The following ABCC9 variants were observed in gnomAD, a reference collection of about 807,000 sequenced individuals.
ABCC9 encodes the protein ATP binding cassette subfamily C member 9.
Under a neutral mutation model 188.3 loss-of-function variants are expected in ABCC9, and 95 were observed. The observed-to-expected ratio is 0.50, with a 90% CI of 0.43 to 0.60. ABCC9 has a LOEUF of 0.60. ABCC9 is among the 20% of genes least tolerant of loss of function. The probability of loss-of-function intolerance (pLI) is 0.00; values close to 1 mark genes in which losing one functional copy is unlikely to be tolerated. For synonymous variants in ABCC9, 659 were observed against 652.7 expected (o/e 1.01, Z -0.15); for missense variants, 1,102 against 1,876.3 (o/e 0.59, Z 7.62).
intron 14 of ABCC9, among the ~76,000 whole-genome samples, chr12:21,890,566 A>G (rs1478884762): frequency 1.3e-5 from 2 of 152,160 alleles, no homozygotes; most frequent in Non-Finnish European, 2.9e-5. Context: ...AATCTTTACC[A>G]ACCTAAATGT....
intron 36 of ABCC9, among the ~76,000 whole-genome samples, chr12:21,811,609 G>C (rs1042353681): frequency 2.6e-5 from 4 of 151,790 alleles, no homozygotes; most frequent in African/African-American, 9.7e-5. Context: ...GGGAAACCCT[G>C]AACCAGGTAT....
At chr12:21,829,330 T>C (rs1235427939) in intron 30 of ABCC9, among the ~76,000 whole-genome samples, 1 of 150,086 alleles carries the variant, frequency 6.7e-6, no homozygotes, top group Non-Finnish European at 1.5e-5. Flanking sequence ...GCCTCCTGAG[T>C]AGCTGGGACT....
rs1319447230 is a variant in ABCC9 at position 21,887,911 on chromosome 12, A to G, written c.1826T>C (p.Leu609Pro). Residue 609 changes from leucine to proline, a missense_variant, in exon 15 of 40, where the codon CTC becomes CCC. This residue lies in a region of ABCC9 where 258 missense variants were observed against 325.6 expected (regional missense o/e 0.79). Coordinates refer to ENST00000261200, the MANE Select transcript of ABCC9 (RefSeq NM_020297.4). Reference protein sequence around the residue: ...IISVQKLNEFLLSDEIGDDSW... With the variant: ...IISVQKLNEFPLSDEIGDDSW... ...GTCGTCACCAATCTCATCACTCAAG[A>G]GAAACTCATTCAGCTTTTGAACACT... 6.2e-7 allele frequency: 1 copy of G among 1,613,392 alleles called. No individual in the cohort carries two copies. The highest frequency in any genetic ancestry group is 1.1e-5 in the South Asian group (1 of 91,074).
At chr12:21,927,695 G>T (rs1949096656) in intron 4 of ABCC9, among the ~76,000 whole-genome samples, 1 of 152,172 alleles carries the variant, frequency 6.6e-6, no homozygotes, top group Non-Finnish European at 1.5e-5. Context: ...TGTCCAATAA[G>T]CATGCAAATG....
rs146091411 is a variant in ABCC9, at chr12:21,901,125, C to A, written c.1618+5001G>T. Among the ~76,000 whole-genome samples, 36 of 152,232 alleles carry A rather than the reference C, an allele frequency of 2.4e-4. No homozygotes were observed. The East Asian group carries it at 7.0e-3, about 29-fold the overall frequency. On this transcript the variant is annotated intron_variant, in intron 12 of 39. Coordinates refer to ENST00000261200, the MANE Select transcript of ABCC9 (RefSeq NM_020297.4). Reference sequence around the variant, plus strand: ...GATCTCTCGACAGAAACTCTACAAGCCAGAAGAGAGTGAGGACCAATATTT... The same window carrying A: ...GATCTCTCGACAGAAACTCTACAAGACAGAAGAGAGTGAGGACCAATATTT...
chr12:21,858,372 G>A (rs532364536), intron 22 of ABCC9, among the ~76,000 whole-genome samples: 5 of 151,646 alleles, frequency 3.3e-5, no homozygotes, highest in South Asian at 4.2e-4. Context: ...TCAGGAGTTC[G>A]AGACCAGCCT....
chr12:21,930,770 A>T (rs1592263323), intron 4 of ABCC9, among the ~76,000 whole-genome samples: 1 of 152,214 alleles, frequency 6.6e-6, no homozygotes, highest in East Asian at 1.9e-4. Flanking sequence ...ATAGAATATC[A>T]TTCAGCACTA....
chr12:21,901,551 A>C (rs995746128), intron 12 of ABCC9, among the ~76,000 whole-genome samples: 1 of 152,240 alleles, frequency 6.6e-6, no homozygotes, highest in Non-Finnish European at 1.5e-5. Flanking sequence ...TGCTGTATTC[A>C]GGAAACCCAT....
Position 21,863,064 on chromosome 12 carries a change from G to GA in ABCC9, c.2238-11dup, listed in dbSNP as rs752193894. On this transcript the variant is annotated splice_polypyrimidine_tract_variant and intron_variant, in intron 19 of 39. Transcript: ENST00000261200. ...AGAGTACCTGTTCCTACTGAAAAAT[G>GA]AAAAAGAAAAAAAAAAACACCAGGA... 12 of 1,515,102 alleles carry GA rather than the reference G, an allele frequency of 7.9e-6. No homozygotes were observed. The highest frequency in any genetic ancestry group is 5.5e-5 in the Admixed American group (3 of 54,300). 93.9% of individuals were successfully genotyped at this position (1,515,102 alleles called of 1,614,324 possible). A position where few individuals can be genotyped will look rare whatever the true frequency, so the allele number is the denominator to read the frequency against.
chr12:21,939,299 C>T (rs1185793324), intron 2 of ABCC9, among the ~76,000 whole-genome samples: 2 of 152,102 alleles, frequency 1.3e-5, no homozygotes, highest in East Asian at 3.9e-4. Context: ...TCCCTTTAAC[C>T]CGTAGTCTCC....
At chr12:21,852,013 T>C in intron 24 of ABCC9, 84 bp downstream of exon 24, 1 of 1,522,272 alleles carries the variant, frequency 6.6e-7, no homozygotes, top group Non-Finnish European at 9.0e-7. Flanking sequence ...AAATGGTAAT[T>C]TTTTAAAAAG....
chr12:21,829,989 C>T (rs1209597745), intron 30 of ABCC9, among the ~76,000 whole-genome samples: 1 of 152,060 alleles, frequency 6.6e-6, no homozygotes, highest in Non-Finnish European at 1.5e-5. Context: ...CTCTACACCC[C>T]CAAATTCTGA....
Position 21,936,615 on chromosome 12 carries a change from T to C in ABCC9, c.60A>G (p.Leu20=). The change falls in exon 3 of 40, where the codon CTA becomes CTG. Residue 20 remains leucine (L), a synonymous_variant. Coordinates refer to ENST00000261200, the MANE Select transcript of ABCC9 (RefSeq NM_020297.4). ...ISSYNINDGV[L]QNSCFVDALN... is the part of the protein sequence containing the mutation. The stretch of plus-strand genomic sequence containing the variant: ...GGGCATCCACAAAGCAGGAATTTTG[T>C]AGTACACCATCGTTGATATTATATG... The C allele has an allele frequency of 6.2e-7, 1 of 1,611,896 alleles. No homozygotes were observed. Among genetic ancestry groups the C allele is most frequent in the Non-Finnish European group, 8.5e-7 (1 of 1,178,134 alleles).
At chr12:21,928,722 A>G (rs1176491410) in intron 4 of ABCC9, among the ~76,000 whole-genome samples, 1 of 152,234 alleles carries the variant, frequency 6.6e-6, no homozygotes, top group African/African-American at 2.4e-5. Context: ...AGCAGCTACA[A>G]TTAAGTTTTG....
At chr12:21,906,381 A>G in intron 11 of ABCC9, 93 bp from the exon 12 acceptor site, 1 of 1,327,992 alleles carries the variant, frequency 7.5e-7, no homozygotes, top group South Asian at 1.3e-5. Flanking sequence ...GGAGACCTTG[A>G]TTTCAGACTG....
At chr12:21,838,928 A>G (rs556761095) in intron 29 of ABCC9, among the ~76,000 whole-genome samples, 1 of 152,298 alleles carries the variant, frequency 6.6e-6, no homozygotes, top group East Asian at 1.9e-4. Context: ...CAGGAGGCTG[A>G]GGCAGGAGAA....
chr12:21,892,950 T>A (rs1253731238), intron 14 of ABCC9, among the ~76,000 whole-genome samples: 2 of 152,202 alleles, frequency 1.3e-5, no homozygotes, highest in Non-Finnish European at 2.9e-5. Flanking sequence ...AATTTTCCAA[T>A]TTTTCTTCAA....
At chr12:21,810,555 C>G (rs1942166967) in intron 36 of ABCC9, among the ~76,000 whole-genome samples, 1 of 152,054 alleles carries the variant, frequency 6.6e-6, no homozygotes, top group Non-Finnish European at 1.5e-5. Flanking sequence ...AAGTATTAAG[C>G]AAAGTGGGAA....
Position 21,865,746 on chromosome 12 carries a change from G to T in ABCC9, c.2199-1269C>A, listed in dbSNP as rs111380711. On this transcript the variant is annotated intron_variant, in intron 18 of 39. Coordinates refer to ENST00000261200, the MANE Select transcript of ABCC9 (RefSeq NM_020297.4). ...GAATTCATCAATCTATTCAATAAAG[G>T]TTGGTTAAATTCCGACTCTATTTAT... Among the ~76,000 whole-genome samples, 1,104 of 152,220 alleles carry T rather than the reference G, an allele frequency of 7.3e-3. 14 individuals are homozygous for T. Among genetic ancestry groups the T allele is most frequent in the African/African-American group, 0.025 (1,042 of 41,548 alleles).
Sources: allele counts gnomAD v4.1 joint callset (sites outside exome capture counted in the v4.1 genomes callset), GRCh38; gene constraint gnomAD v4.1.1; regional missense constraint gnomAD v4.1.1; transcripts MANE v1.5; gene names NCBI Gene and HGNC (gene_info 2026-07-23, HGNC 2026-07-21).